ARPC2: variants seen among roughly 807,000 people sequenced by gnomAD.
ARPC2 encodes actin-related protein 2/3 complex subunit 2.
ARPC2 carries 4 observed loss-of-function variants against 38.6 expected under a neutral mutation model. The observed-to-expected ratio is 0.10, with a 90% CI of 0.05 to 0.24. The LOEUF (loss-of-function observed/expected upper bound fraction) is 0.24. Among genes scored for constraint, ARPC2 ranks in the 10% least tolerant of loss-of-function variants. The pLI is 1.00. For missense variants in ARPC2, 229 were observed against 387.3 expected (o/e 0.59, Z 3.43); for synonymous variants, 125 against 140.8 (o/e 0.89, Z 0.79).
chr2:218,242,022 G>C (rs1007959983), intron 7 of ARPC2, among the ~76,000 whole-genome samples: 7 of 152,242 alleles, frequency 4.6e-5, no homozygotes, highest in African/African-American at 1.7e-4. Context: ...TGTACCCTGA[G>C]AACACTATTT....
chr2:218,252,989 C>T (rs1372378927), intron 10 of ARPC2: 1 of 456,812 alleles, frequency 2.2e-6, no homozygotes, highest in African/African-American at 2.0e-5. Context: ...AAGCAGGAGA[C>T]AAACAGCTGC....
intron 4 of ARPC2, among the ~76,000 whole-genome samples, chr2:218,230,074 A>G (rs1003708803): frequency 6.6e-6 from 1 of 151,730 alleles, no homozygotes; most frequent in Non-Finnish European, 1.5e-5. Context: ...GGGTTCAAGC[A>G]GTTCATCTGC....
At chr2:218,235,534 G>T (rs1689749366) in intron 5 of ARPC2, 1 of 151,900 alleles carries the variant, frequency 6.6e-6, no homozygotes, top group Non-Finnish European at 1.5e-5. Context: ...CAAATTGGCG[G>T]GATGAATGTG....
chr2:218,251,999 T>A (rs1249292283), intron 10 of ARPC2, among the ~76,000 whole-genome samples: 1 of 152,140 alleles, frequency 6.6e-6, no homozygotes. Context: ...GGCAGGCGGA[T>A]CACCTGAGGT....
chr2:218,239,330 A>G (rs982497560), intron 6 of ARPC2, 61 bp from the exon 7 acceptor site: 1 of 1,206,864 alleles, frequency 8.3e-7, no homozygotes, highest in Admixed American at 1.8e-5. Flanking sequence ...TTGTAGATCA[A>G]GTTATTGACA....
At position 218,233,591 on chromosome 2, in the gene ARPC2, T is replaced by C. The variant is rs1689694536; in HGVS notation, c.223-761T>C. ...TAAGATTTCATTATTGACTGTCCTT[T>C]GCCTTAAGAGCTGGCTATGCACTGA... On this transcript the variant is annotated intron_variant, in intron 4 of 10. Transcript: ENST00000315717. 4 of 151,934 alleles carry C rather than the reference T, an allele frequency of 2.6e-5. No homozygotes were observed. In the South Asian group the frequency reaches 8.3e-4, roughly 32 times the overall value. 9.4% of individuals were successfully genotyped at this position (151,934 alleles called of 1,614,324 possible).
chr2:218,236,476 C>T (rs979038996), intron 5 of ARPC2: 3 of 151,960 alleles, frequency 2.0e-5, no homozygotes, highest in South Asian at 2.1e-4. Context: ...CCCATCCTCC[C>T]GAAGAGCCCA....
Position 218,234,091 on chromosome 2 carries a change from C to T in ARPC2, c.223-261C>T, listed in dbSNP as rs147162397. On this transcript the variant is annotated intron_variant, in intron 4 of 10. Coordinates refer to ENST00000315717, the MANE Select transcript of ARPC2 (RefSeq NM_152862.3). ...GGCTCAGGCAGGAGAATCACTTGAA[C>T]CCAGGAGGCGGAGGTTGTGGTGAGC... The T allele has an allele frequency of 8.9e-4, 240 of 270,088 alleles. 1 individual carries two copies. The highest frequency in any genetic ancestry group is 5.0e-3 in the African/African-American group (225 of 44,800). 16.7% of individuals were successfully genotyped at this position (270,088 alleles called of 1,614,324 possible). A position where few individuals can be genotyped will look rare whatever the true frequency, so the allele number is the denominator to read the frequency against.
At chr2:218,230,019 G>A (rs1689592350) in intron 4 of ARPC2, among the ~76,000 whole-genome samples, 3 of 151,524 alleles carry the variant, frequency 2.0e-5, no homozygotes, top group Admixed American at 2.0e-4. Context: ...GCCCCAGGCT[G>A]TACTGCAGTG....
intron 4 of ARPC2, among the ~76,000 whole-genome samples, chr2:218,232,275 T>A (rs559776075): frequency 6.6e-6 from 1 of 152,106 alleles, no homozygotes; most frequent in Non-Finnish European, 1.5e-5. Flanking sequence ...AAATAAAATG[T>A]TTGTTTCTTA....
At position 218,244,028 on chromosome 2, in the gene ARPC2, G is replaced by A. The variant is rs138463441; in HGVS notation, c.550-1392G>A. The stretch of plus-strand genomic sequence containing the variant: ...ATACCGAAAAGTAAAACCAGTAAAA[G>A]TTAAAAAGCTTCTTAACCCCTTTGT... On this transcript the variant is annotated intron_variant, in intron 7 of 10. Coordinates refer to ENST00000315717, the MANE Select transcript of ARPC2 (RefSeq NM_152862.3). Among the ~76,000 whole-genome samples the A allele has an allele frequency of 4.2e-4, 64 of 152,284 alleles. 2 individuals carry two copies. In the South Asian group the frequency reaches 7.1e-3, roughly 17 times the overall value.
intron 7 of ARPC2, among the ~76,000 whole-genome samples, chr2:218,242,336 C>A (rs752351701): frequency 6.6e-6 from 1 of 152,154 alleles, no homozygotes; most frequent in Admixed American, 6.5e-5. Context: ...AACTAGAATT[C>A]TTTTCATATT....
chr2:218,226,649 A>G (rs962329755), intron 3 of ARPC2, among the ~76,000 whole-genome samples: 5 of 134,298 alleles, frequency 3.7e-5, no homozygotes, highest in African/African-American at 1.3e-4. Flanking sequence ...AAAAAAAAAA[A>G]GCTTTGACAT....
rs1285611387 is a variant in ARPC2 at position 218,220,484 on chromosome 2, C to G, written c.74+2940C>G. ...TATTTAGCACAGACATGGAACATTTCCATTATTGCAAAGTTCTATTAGCAC... is the reference window on the plus strand; with the variant it reads ...TATTTAGCACAGACATGGAACATTTGCATTATTGCAAAGTTCTATTAGCAC... On this transcript the variant is annotated intron_variant, in intron 2 of 10. Coordinates refer to ENST00000315717, the MANE Select transcript of ARPC2 (RefSeq NM_152862.3). Among the ~76,000 whole-genome samples the G allele has an allele frequency of 2.0e-5, 3 of 152,148 alleles. No homozygotes were observed. The East Asian group carries it at 5.8e-4, about 29-fold the overall frequency.
chr2:218,225,214 C>T (rs907756374), intron 2 of ARPC2, among the ~76,000 whole-genome samples: 2 of 152,038 alleles, frequency 1.3e-5, no homozygotes, highest in Non-Finnish European at 2.9e-5. Flanking sequence ...AAAACATGAG[C>T]GTGATGAGAA....
chr2:218,218,692 G>A (rs904578431), intron 2 of ARPC2, among the ~76,000 whole-genome samples: 10 of 152,182 alleles, frequency 6.6e-5, no homozygotes, highest in Non-Finnish European at 1.2e-4. Context: ...ATTGGTAGAG[G>A]GGAATTTTTA....
intron 2 of ARPC2, among the ~76,000 whole-genome samples, chr2:218,218,029 A>G (rs570968259): frequency 6.6e-6 from 1 of 152,278 alleles, no homozygotes; most frequent in Non-Finnish European, 1.5e-5. Flanking sequence ...CCCCACCCCC[A>G]TCTCCTTTAA....
intron 4 of ARPC2, among the ~76,000 whole-genome samples, chr2:218,230,364 C>T (rs1193004346): frequency 3.5e-5 from 5 of 142,536 alleles, no homozygotes; most frequent in East Asian, 2.1e-4. Context: ...CAATCACAGC[C>T]ACTGCACCCC....
intron 5 of ARPC2, among the ~76,000 whole-genome samples, chr2:218,237,033 T>C (rs941418790): frequency 2.0e-5 from 3 of 152,178 alleles, no homozygotes; most frequent in African/African-American, 4.8e-5. Context: ...CTTCTGGGAA[T>C]TCATAGTGGA....
Sources: allele counts gnomAD v4.1 joint callset (sites outside exome capture counted in the v4.1 genomes callset), GRCh38; gene constraint gnomAD v4.1.1; transcripts MANE v1.5; gene names NCBI Gene and HGNC (gene_info 2026-07-23, HGNC 2026-07-21).